The following MAP4K4 variants were observed in gnomAD, a reference collection of about 807,000 sequenced individuals.
MAP4K4 encodes mitogen-activated protein kinase kinase kinase kinase 4.
In MAP4K4, 38 loss-of-function variants were observed where a neutral mutation model predicts 189.6. That is an observed-to-expected ratio of 0.20 (90% CI 0.15 to 0.26). MAP4K4 has a LOEUF of 0.26. Ranked by LOEUF, MAP4K4 falls within the 10% of genes least tolerant of loss-of-function variation. The pLI is 1.00. For synonymous variants in MAP4K4, 610 were observed against 624.3 expected, an observed-to-expected ratio of 0.98 and a Z score of 0.34; for missense variants, 1,054 against 1,726.9, an observed-to-expected ratio of 0.61 and a Z score of 6.91.
intron 2 of MAP4K4, among the ~76,000 whole-genome samples, chr2:101,785,289 A>G (rs1005207328): frequency 6.6e-6 from 1 of 152,200 alleles, no homozygotes; most frequent in Admixed American, 6.5e-5. Context: ...TGAATGGAAA[A>G]AGTGCTGTTG....
At chr2:101,707,516 CTG>C (rs1024580012) in intron 2 of MAP4K4, among the ~76,000 whole-genome samples, 2 of 151,800 alleles carry the variant, frequency 1.3e-5, no homozygotes, top group Non-Finnish European at 2.9e-5. Context: ...GTCTGCCTGT[CTG>C]TCTGTGTCTT....
chr2:101,827,044 C>T (rs886491246), intron 5 of MAP4K4, among the ~76,000 whole-genome samples: 1 of 152,106 alleles, frequency 6.6e-6, no homozygotes, highest in Non-Finnish European at 1.5e-5. Context: ...TCAAAGACAT[C>T]AAAGACAACT....
At chr2:101,787,780 A>G (rs1347555599) in intron 2 of MAP4K4, among the ~76,000 whole-genome samples, 6 of 147,442 alleles carry the variant, frequency 4.1e-5, no homozygotes, top group African/African-American at 1.5e-4. Context: ...GATGATTACT[A>G]TTAGTTTCAA....
intron 2 of MAP4K4, among the ~76,000 whole-genome samples, chr2:101,778,797 A>G (rs2085720590): frequency 6.6e-6 from 1 of 152,058 alleles, no homozygotes; most frequent in African/African-American, 2.4e-5. Flanking sequence ...AGTGGGGTGG[A>G]AGCAGGTTCT....
At chr2:101,824,127 C>CGGG in intron 4 of MAP4K4, 74 bp downstream of exon 4, 1 of 16,402 alleles carries the variant, frequency 6.1e-5, no homozygotes. Flanking sequence ...GGGGTGGGGG[C>CGGG]GGGGGAAAGA....
At chr2:101,777,212 A>G (rs1416050814) in intron 2 of MAP4K4, among the ~76,000 whole-genome samples, 1 of 152,214 alleles carries the variant, frequency 6.6e-6, no homozygotes, top group African/African-American at 2.4e-5. Context: ...CTTTCTCTAT[A>G]ATCCAAGCAT....
At position 101,873,784 on chromosome 2, in the gene MAP4K4, G is replaced by C; in HGVS notation, c.3070+20G>C. On this transcript the variant is annotated intron_variant, in intron 25 of 32. Coordinates refer to ENST00000324219, the Ensembl canonical transcript of MAP4K4. ...CTGTGGGTAAGTACAGTAGCAACAA[G>C]AAAGCAGCTGACAAATGGGACTTTA... The C allele has an allele frequency of 6.6e-7, 1 of 1,511,726 alleles. No homozygotes were observed. Among genetic ancestry groups the C allele is most frequent in the East Asian group, 2.3e-5 (1 of 44,310 alleles). 93.6% of individuals were successfully genotyped at this position (1,511,726 alleles called of 1,614,324 possible).
exon 12 of MAP4K4, chr2:101,844,214 A>G: frequency 4.4e-6 from 7 of 1,604,174 alleles, no homozygotes; most frequent in Non-Finnish European, 6.0e-6. Context: ...CTACAGGAGC[A>G]ACAGCTCCGG....
At chr2:101,822,737 C>T (rs975646066) in intron 3 of MAP4K4, among the ~76,000 whole-genome samples, 2 of 152,172 alleles carry the variant, frequency 1.3e-5, no homozygotes, top group Non-Finnish European at 2.9e-5. Flanking sequence ...CTAGGCTACT[C>T]AGAGCCCCTA....
chr2:101,771,842 C>T (rs911536133), intron 2 of MAP4K4, among the ~76,000 whole-genome samples: 2 of 152,192 alleles, frequency 1.3e-5, no homozygotes, highest in Admixed American at 1.3e-4. Context: ...ACTCCCTGTC[C>T]TTCTTTAAAT....
chr2:101,874,282 T>A (rs777196628), intron 26 of MAP4K4, 30 bp downstream of exon 26: 32 of 1,576,276 alleles, frequency 2.0e-5, no homozygotes, highest in Non-Finnish European at 2.8e-5. Context: ...TCCAACACTT[T>A]CATTTTTGTT....
At chr2:101,876,364 G>A (rs1304547833) in intron 26 of MAP4K4, among the ~76,000 whole-genome samples, 3 of 152,190 alleles carry the variant, frequency 2.0e-5, no homozygotes, top group Non-Finnish European at 2.9e-5. Flanking sequence ...GACTGTGACG[G>A]TACAAGGTTA....
At chr2:101,707,612 A>G (rs2043002071) in intron 2 of MAP4K4, among the ~76,000 whole-genome samples, 1 of 151,948 alleles carries the variant, frequency 6.6e-6, no homozygotes, top group African/African-American at 2.4e-5. Flanking sequence ...TCCTGGGCTC[A>G]AGCAAACTTC....
At chr2:101,826,765 T>C (rs2096377700) in intron 5 of MAP4K4, among the ~76,000 whole-genome samples, 1 of 152,206 alleles carries the variant, frequency 6.6e-6, no homozygotes, top group South Asian at 2.1e-4. Context: ...CATCTATACA[T>C]ACCAACCCTT....
At chr2:101,697,900 G>T (rs1285777379) in exon 1 of MAP4K4, 10 of 159,104 alleles carry the variant, frequency 6.3e-5, no homozygotes, top group Non-Finnish European at 1.1e-4. Flanking sequence ...CCGGCAGAGA[G>T]CCCCGAGCGG....
chr2:101,888,569 G>A (rs962741490), intron 31 of MAP4K4, among the ~76,000 whole-genome samples: 1 of 152,108 alleles, frequency 6.6e-6, no homozygotes, highest in Non-Finnish European at 1.5e-5. Flanking sequence ...AAAGGCCTAA[G>A]GAAAATGAAA....
chr2:101,853,546 A>C (rs2097351092), intron 12 of MAP4K4, among the ~76,000 whole-genome samples: 1 of 152,188 alleles, frequency 6.6e-6, no homozygotes, highest in Non-Finnish European at 1.5e-5. Context: ...TCCAACTTCT[A>C]TTTAATAGAT....
rs774245001 is a variant in MAP4K4, at chr2:101,893,243, T to A, written c.*1994T>A. On this transcript the variant is annotated 3_prime_UTR_variant, in exon 33 of 33. Coordinates refer to ENST00000324219, the Ensembl canonical transcript of MAP4K4. ...ATGCAGACACAGCAGCTGGTGGTTT[T>A]GTGTATACCTGTAAAGACAAGCTGA... 211 of 456,432 alleles carry A rather than the reference T, an allele frequency of 4.6e-4. 2 individuals carry two copies. The highest frequency in any genetic ancestry group is 2.0e-3 in the South Asian group (127 of 64,572). 28.3% of individuals were successfully genotyped at this position (456,432 alleles called of 1,614,324 possible).
At chr2:101,888,004 A>G (rs540994545) in intron 31 of MAP4K4, 67 bp downstream of exon 31, 2 of 1,411,144 alleles carry the variant, frequency 1.4e-6, no homozygotes, top group South Asian at 2.9e-5. Flanking sequence ...CCATTTATTT[A>G]TCATGCTGAT....
Sources: gnomAD v4.1 joint callset for allele counts (sites outside exome capture counted in the v4.1 genomes callset) on GRCh38, gnomAD v4.1.1 for gene constraint, MANE v1.5 for transcripts, NCBI Gene and HGNC (gene_info 2026-07-23, HGNC 2026-07-21) for gene names.